NINJ2: variants seen among roughly 807,000 people sequenced by gnomAD.
NINJ2 encodes ninjurin 2.
Under a neutral mutation model 11.7 loss-of-function variants are expected in NINJ2, and 12 were observed. The observed-to-expected ratio is 1.02, with a 90% confidence interval of 0.66 to 1.66. The LOEUF (loss-of-function observed/expected upper bound fraction) is 1.66, where lower values mean the gene tolerates loss of function less well. NINJ2 is among the 40% of genes most tolerant of loss of function. The pLI, the probability that NINJ2 is intolerant of heterozygous loss-of-function variation, is 0.00. For missense variants in NINJ2, 187 were observed against 181.8 expected, an observed-to-expected ratio of 1.03 and a Z score of -0.16; for synonymous variants, 93 against 76.8, an observed-to-expected ratio of 1.21 and a Z score of -1.10.
intron 1 of NINJ2, among the ~76,000 whole-genome samples, chr12:620,064 TCTGA>T (rs1053979871): frequency 2.2e-4 from 34 of 152,224 alleles, no homozygotes; most frequent in African/African-American, 8.2e-4. Context: ...CACTCTCTTG[TCTGA>T]CTGTTTCCCA....
At position 627,052 on chromosome 12, in the gene NINJ2, A is replaced by G. The variant is rs1235065667; in HGVS notation, c.33+36276T>C. Among the ~76,000 whole-genome samples the G allele has an allele frequency of 2.0e-5, 3 of 152,258 alleles. No individual in the cohort carries two copies. The East Asian group carries it at 5.8e-4, about 29-fold the overall frequency. On this transcript the variant is annotated intron_variant, in intron 1 of 3. Coordinates refer to ENST00000305108, the MANE Select transcript of NINJ2 (RefSeq NM_016533.6). ...GTGAGCTATGATTGTACCACTGAAC[A>G]CCGGCCTGGGTGACAGAGCCAGACC...
At chr12:601,081 T>C (rs1396078942) in intron 1 of NINJ2, among the ~76,000 whole-genome samples, 1 of 152,222 alleles carries the variant, frequency 6.6e-6, no homozygotes, top group Non-Finnish European at 1.5e-5. Context: ...CCCTGTGATT[T>C]GCTCTCTCCT....
At chr12:613,299 C>G (rs1948056027) in intron 1 of NINJ2, among the ~76,000 whole-genome samples, 1 of 152,220 alleles carries the variant, frequency 6.6e-6, no homozygotes, top group Non-Finnish European at 1.5e-5. Flanking sequence ...AATTCTAAAT[C>G]TCATCACGCA....
chr12:616,398 G>A (rs1037356906), intron 1 of NINJ2, among the ~76,000 whole-genome samples: 1 of 147,378 alleles, frequency 6.8e-6, no homozygotes, highest in African/African-American at 2.4e-5. Context: ...GACTGCCTGA[G>A]AGAGAGGACT....
intron 1 of NINJ2, among the ~76,000 whole-genome samples, chr12:571,120 C>G (rs2120795474): frequency 6.6e-6 from 1 of 152,334 alleles, no homozygotes; most frequent in South Asian, 2.1e-4. Context: ...ACCCAAGACT[C>G]ATAGCTTTGG....
intron 1 of NINJ2, among the ~76,000 whole-genome samples, chr12:615,770 T>TCA (rs1397052343): frequency 6.6e-6 from 1 of 152,192 alleles, no homozygotes; most frequent in Non-Finnish European, 1.5e-5. Flanking sequence ...TGTGGGACTG[T>TCA]CATCCTGTGG....
At chr12:653,756 A>G (rs1054899469) in intron 1 of NINJ2, among the ~76,000 whole-genome samples, 2 of 152,198 alleles carry the variant, frequency 1.3e-5, no homozygotes, top group Non-Finnish European at 2.9e-5. Flanking sequence ...GAAAAACAGT[A>G]ACAAATGTGG....
At chr12:650,834 A>G in intron 1 of NINJ2, among the ~76,000 whole-genome samples, 1 of 152,216 alleles carries the variant, frequency 6.6e-6, no homozygotes, top group East Asian at 1.9e-4. Flanking sequence ...CTAACGAGTA[A>G]AAAGCTGAAG....
intron 1 of NINJ2, among the ~76,000 whole-genome samples, chr12:660,679 G>A (rs912052956): frequency 1.3e-5 from 2 of 151,902 alleles, no homozygotes; most frequent in Non-Finnish European, 2.9e-5. Context: ...CTATAAAGAT[G>A]GCCAGCTATG....
chr12:639,690 T>C (rs1948397030), intron 1 of NINJ2, among the ~76,000 whole-genome samples: 1 of 152,158 alleles, frequency 6.6e-6, no homozygotes, highest in African/African-American at 2.4e-5. Flanking sequence ...GACCATTTGC[T>C]ATGACTGTGT....
intron 1 of NINJ2, among the ~76,000 whole-genome samples, chr12:595,153 A>G (rs1592084961): frequency 6.6e-6 from 1 of 152,180 alleles, no homozygotes; most frequent in African/African-American, 2.4e-5. Flanking sequence ...AAAAAAAAGA[A>G]TCTAGACACA....
At chr12:578,603 C>G (rs377608199) in intron 1 of NINJ2, among the ~76,000 whole-genome samples, 2 of 152,192 alleles carry the variant, frequency 1.3e-5, no homozygotes, top group Non-Finnish European at 2.9e-5. Context: ...CAAGCATGAA[C>G]CACTACACCC....
chr12:628,115 T>C lies in NINJ2; in HGVS notation c.33+35213A>G, dbSNP rs963720984. 6.6e-5 allele frequency among the ~76,000 whole-genome samples: 10 copies of C among 152,090 alleles called. No homozygotes were observed. Among genetic ancestry groups the C allele is most frequent in the Non-Finnish European group, 1.3e-4 (9 of 68,000 alleles). On this transcript the variant is annotated intron_variant, in intron 1 of 3. Coordinates refer to ENST00000305108, the MANE Select transcript of NINJ2 (RefSeq NM_016533.6). The surrounding 1 kb of genome is among the most constrained non-coding windows in gnomAD (Gnocchi z 4.4). ...GCTGGATCCAAAGGTCAAGGCTGAGTTTGCCAGAGCCTGCAGGATCCCTGC... is the reference window on the plus strand; with the variant it reads ...GCTGGATCCAAAGGTCAAGGCTGAGCTTGCCAGAGCCTGCAGGATCCCTGC...
intron 1 of NINJ2, among the ~76,000 whole-genome samples, chr12:577,015 A>G (rs1034684938): frequency 1.3e-5 from 2 of 152,192 alleles, no homozygotes; most frequent in African/African-American, 4.8e-5. Flanking sequence ...TAAAATTTAA[A>G]CAGTAATAAT....
chr12:624,124 G>A (rs540117623), intron 1 of NINJ2, among the ~76,000 whole-genome samples: 11 of 152,140 alleles, frequency 7.2e-5, no homozygotes, highest in African/African-American at 2.6e-4. Context: ...TGAACTCTAC[G>A]TCCCATCCTC....
intron 1 of NINJ2, among the ~76,000 whole-genome samples, chr12:630,361 T>TTTTTG (rs369527198): frequency 0.048 from 7,330 of 151,926 alleles, 273 homozygotes; most frequent in Non-Finnish European, 0.076. Flanking sequence ...TTTTCTTGGT[T>TTTTTG]TTTTGTTTTG....
intron 1 of NINJ2, among the ~76,000 whole-genome samples, chr12:611,237 T>C (rs1483225510): frequency 8.1e-6 from 1 of 124,214 alleles, no homozygotes; most frequent in Non-Finnish European, 1.7e-5. Flanking sequence ...TTTTCTTTCT[T>C]TCTTTCTTTC....
chr12:655,146 A>G (rs531745589), intron 1 of NINJ2, among the ~76,000 whole-genome samples: 1 of 152,284 alleles, frequency 6.6e-6, no homozygotes, highest in African/African-American at 2.4e-5. Context: ...CACTCCCACT[A>G]AGATTAGAAA....
chr12:601,412 G>A (rs759160809), intron 1 of NINJ2, among the ~76,000 whole-genome samples: 7 of 151,150 alleles, frequency 4.6e-5, no homozygotes, highest in Non-Finnish European at 1.0e-4. Context: ...GCCAGGCGTG[G>A]TGGCGGGCGC....
Sources: allele counts gnomAD v4.1 joint callset (sites outside exome capture counted in the v4.1 genomes callset), GRCh38; gene constraint gnomAD v4.1.1; non-coding constraint Gnocchi (gnomAD v3.1); transcripts MANE v1.5; gene names NCBI Gene and HGNC (gene_info 2026-07-23, HGNC 2026-07-21).